The following BCL11A variants were observed in gnomAD, a reference collection of about 807,000 sequenced individuals.
The protein encoded by BCL11A is B cell CLL/lymphoma 11A.
In BCL11A, 2 loss-of-function variants were observed where a neutral mutation model predicts 55.9. The ratio of observed to expected loss-of-function variants is 0.04; its 90% CI spans 0.01 to 0.11. The LOEUF (loss-of-function observed/expected upper bound fraction) is 0.11. Ranked by LOEUF, BCL11A falls within the 10% of genes least tolerant of loss-of-function variation. The pLI is 1.00. For synonymous variants in BCL11A, 465 were observed against 473.4 expected (o/e 0.98, Z 0.23); for missense variants, 817 against 1,137.1 (o/e 0.72, Z 4.05).
rs77284663 is a variant in BCL11A at position 60,487,566 on chromosome 2, T to A, written c.386-18733A>T. Among the ~76,000 whole-genome samples the A allele has an allele frequency of 4.0e-3, 613 of 152,280 alleles. 1 individual carries two copies. The highest frequency in any genetic ancestry group is 0.014 in the African/African-American group (598 of 41,536). ...ATTAAGGGAAAACTAAATGATGCCT[T>A]TATAAAATCCAGAACAAAACAAAAC... On this transcript the variant is annotated intron_variant, in intron 2 of 3. Transcript: ENST00000642384.
rs147910897 is a variant in BCL11A, at chr2:60,497,683, T to C, written c.386-28850A>G. ...GCACTTTGCACCTTCCAGAGCAATT[T>C]AACATCCTTTACTTTTTTTGGAAGG... On this transcript the variant is annotated intron_variant, in intron 2 of 3. Coordinates refer to ENST00000642384, the MANE Select transcript of BCL11A (RefSeq NM_022893.4). 4.2e-3 allele frequency among the ~76,000 whole-genome samples: 633 copies of C among 152,276 alleles called. 2 individuals are homozygous for C. Among genetic ancestry groups the C allele is most frequent in the African/African-American group, 0.013 (555 of 41,532 alleles).
At chr2:60,497,283 G>C (rs1410030808) in intron 2 of BCL11A, among the ~76,000 whole-genome samples, 1 of 152,176 alleles carries the variant, frequency 6.6e-6, no homozygotes, top group African/African-American at 2.4e-5. Context: ...TTTGTAAAGA[G>C]GGGGGAAAAT....
chr2:60,522,516 C>T (rs1384094089), intron 2 of BCL11A: 2 of 152,256 alleles, frequency 1.3e-5, no homozygotes, highest in Non-Finnish European at 2.9e-5. Context: ...CCAAGAAAAG[C>T]TTCAGAGAAT....
chr2:60,457,911 T>G lies in BCL11A; in HGVS notation c.*2493A>C. The stretch of plus-strand genomic sequence containing the variant: ...AGCAGGCTCCCCCAAACCGCCATTA[T>G]ATGGCTTCTCATCTGTAATGTCACA... On this transcript the variant is annotated 3_prime_UTR_variant, in exon 4 of 4. Transcript: ENST00000642384. 1.9e-6 allele frequency: 2 copies of G among 1,047,892 alleles called. No homozygotes were observed. The highest frequency in any genetic ancestry group is 2.3e-6 in the Non-Finnish European group (2 of 868,220). The allele number at this position is 1,047,892 out of a possible 1,614,324, so 64.9% of individuals were successfully genotyped here.
At chr2:60,501,859 ACG>A (rs1310041403) in intron 2 of BCL11A, among the ~76,000 whole-genome samples, 1 of 152,124 alleles carries the variant, frequency 6.6e-6, no homozygotes, top group Non-Finnish European at 1.5e-5. Flanking sequence ...AAAATTTAAG[ACG>A]GGAAAACAGG....
intron 3 of BCL11A, among the ~76,000 whole-genome samples, chr2:60,468,260 A>G (rs1197107457): frequency 6.6e-6 from 1 of 152,142 alleles, no homozygotes; most frequent in African/African-American, 2.4e-5. Flanking sequence ...TACAACATAT[A>G]CTATGTTCAA....
downstream of BCL11A, among the ~76,000 whole-genome samples, chr2:60,453,237 G>A (rs1362406307): frequency 1.3e-5 from 2 of 152,236 alleles, no homozygotes; most frequent in South Asian, 2.1e-4. Flanking sequence ...ACCAAAAACT[G>A]CCTGTAGTTT....
chr2:60,459,915 T>G lies in BCL11A; in HGVS notation c.*489A>C. On this transcript the variant is annotated 3_prime_UTR_variant, in exon 4 of 4. Coordinates refer to ENST00000642384, the MANE Select transcript of BCL11A (RefSeq NM_022893.4). ...ACTGTACATGATATGTATTACAGAA[T>G]GTATGCAGCATGGTCTTTTTCTCTC... 9.4e-7 allele frequency: 1 copy of G among 1,058,678 alleles called. No individual in the cohort carries two copies. The highest frequency in any genetic ancestry group is 1.6e-5 in the African/African-American group (1 of 60,766). The allele number at this position is 1,058,678 out of a possible 1,614,324, so 65.6% of individuals were successfully genotyped here. A position where few individuals can be genotyped will look rare whatever the true frequency, so the allele number is the denominator to read the frequency against.
chr2:60,467,638 G>A (rs1231093357), intron 3 of BCL11A, among the ~76,000 whole-genome samples: 293 of 93,196 alleles, frequency 3.1e-3, no homozygotes, highest in Non-Finnish European at 4.6e-3. Flanking sequence ...TGGTGGTGGT[G>A]GTGATGGTGG....
Position 60,458,164 on chromosome 2 carries a change from C to G in BCL11A, c.*2240G>C. The stretch of plus-strand genomic sequence containing the variant: ...ATGAACATTTAATTCAAATACCATT[C>G]TAGAAATACAGAAAAAAGACCATAA... On this transcript the variant is annotated 3_prime_UTR_variant, in exon 4 of 4. Coordinates refer to ENST00000642384, the MANE Select transcript of BCL11A (RefSeq NM_022893.4). 9.8e-7 allele frequency: 1 copy of G among 1,025,084 alleles called. No individual in the cohort carries two copies. Among genetic ancestry groups the G allele is most frequent in the Non-Finnish European group, 1.2e-6 (1 of 852,864 alleles). The allele number at this position is 1,025,084 out of a possible 1,614,324, so 63.5% of individuals were successfully genotyped here.
At chr2:60,463,136 C>A (rs959697890) in intron 3 of BCL11A, among the ~76,000 whole-genome samples, 1 of 152,198 alleles carries the variant, frequency 6.6e-6, no homozygotes, top group Non-Finnish European at 1.5e-5. Context: ...CCACAACACC[C>A]CATGGGGACG....
intron 2 of BCL11A, among the ~76,000 whole-genome samples, chr2:60,502,924 C>G (rs899683891): frequency 1.3e-5 from 2 of 152,168 alleles, no homozygotes; most frequent in Non-Finnish European, 2.9e-5. Flanking sequence ...ACTGGTCTGT[C>G]TGGGGCTCCC....
Position 60,498,677 on chromosome 2 carries a change from GA to G in BCL11A, c.386-29845del, listed in dbSNP as rs369046296. Among the ~76,000 whole-genome samples, 684 of 152,288 alleles carry G rather than the reference GA, an allele frequency of 4.5e-3. 3 individuals carry two copies. The highest frequency in any genetic ancestry group is 0.024 in the Middle Eastern group (7 of 294). On this transcript the variant is annotated intron_variant, in intron 2 of 3. Transcript: ENST00000642384. ...CTGACCCCTCTACCTACTCACATAA[GA>G]TCAGTAAAGAGAAGGAAGCAGGCAG...
intron 2 of BCL11A, among the ~76,000 whole-genome samples, chr2:60,507,225 A>AG (rs1679650878): frequency 1.8e-5 from 1 of 54,102 alleles, no homozygotes; most frequent in African/African-American, 2.0e-4. Flanking sequence ...GAAGGAAGGA[A>AG]GGAAGGAAGG....
At chr2:60,454,108 T>C (rs1056416664), downstream of BCL11A, among the ~76,000 whole-genome samples, 1 of 152,034 alleles carries the variant, frequency 6.6e-6, no homozygotes, top group South Asian at 2.1e-4. Context: ...CCTCGTGCTG[T>C]ATGTAGTAAA....
At chr2:60,466,830 T>C (rs1332429098) in intron 3 of BCL11A, among the ~76,000 whole-genome samples, 1 of 152,196 alleles carries the variant, frequency 6.6e-6, no homozygotes, top group African/African-American at 2.4e-5. Flanking sequence ...CAAATAAAAA[T>C]TAGATGTCAC....
intron 2 of BCL11A, among the ~76,000 whole-genome samples, chr2:60,520,306 A>C (rs1341545252): frequency 6.6e-6 from 1 of 152,156 alleles, no homozygotes; most frequent in African/African-American, 2.4e-5. Flanking sequence ...TTTTGAGGAA[A>C]CATTTCACTT....
At chr2:60,470,728 C>T (rs1677148570) in intron 2 of BCL11A, among the ~76,000 whole-genome samples, 1 of 152,212 alleles carries the variant, frequency 6.6e-6, no homozygotes, top group African/African-American at 2.4e-5. Flanking sequence ...GACGGCAGGA[C>T]CAGATCTCTA....
At chr2:60,527,614 G>A (rs925859241) in intron 2 of BCL11A, 2 of 152,290 alleles carry the variant, frequency 1.3e-5, no homozygotes, top group Admixed American at 1.3e-4. Flanking sequence ...TCTTTGTGAT[G>A]GATCTGAACA....
Sources: gnomAD v4.1 joint callset for allele counts (sites outside exome capture counted in the v4.1 genomes callset) on GRCh38, gnomAD v4.1.1 for gene constraint, MANE v1.5 for transcripts, NCBI Gene and HGNC (gene_info 2026-07-23, HGNC 2026-07-21) for gene names.